LPIN2: variants seen among roughly 807,000 people sequenced by gnomAD.
LPIN2 encodes the protein phosphatidate phosphatase LPIN2.
LPIN2 carries 55 observed loss-of-function variants against 111.4 expected under a neutral mutation model. That is an observed-to-expected ratio of 0.49 (90% CI 0.40 to 0.62). LPIN2 has a LOEUF of 0.62. LPIN2 is among the 20% of genes least tolerant of loss of function. The probability of loss-of-function intolerance (pLI) is 0.00; values close to 1 mark genes in which losing one functional copy is unlikely to be tolerated. For missense variants in LPIN2, 992 were observed against 1,112.1 expected (o/e 0.89, Z 1.54); for synonymous variants, 425 against 414.0 (o/e 1.03, Z -0.32).
At chr18:2,990,756 G>A (rs1476107572) in intron 1 of LPIN2, 7 of 348,704 alleles carry the variant, frequency 2.0e-5, no homozygotes, top group African/African-American at 1.3e-4. Flanking sequence ...ATTAGAAATG[G>A]ATGGAAGAAC....
chr18:2,983,633 T>C (rs1206766170), intron 1 of LPIN2, among the ~76,000 whole-genome samples: 1 of 152,194 alleles, frequency 6.6e-6, no homozygotes, highest in Non-Finnish European at 1.5e-5. Flanking sequence ...ATCAGGCCAG[T>C]ACCAACTGCA....
chr18:2,920,719 TG>T (rs747373199), intron 19 of LPIN2, 58 bp downstream of exon 19: 6 of 1,273,972 alleles, frequency 4.7e-6, no homozygotes, highest in Non-Finnish European at 6.9e-6. Context: ...AGGGTCTGTC[TG>T]TCCCCAACTG....
intron 1 of LPIN2, among the ~76,000 whole-genome samples, chr18:2,983,146 C>T (rs548541404): frequency 1.1e-4 from 16 of 152,166 alleles, no homozygotes; most frequent in Non-Finnish European, 2.1e-4. Flanking sequence ...GAAATAAAAA[C>T]AGCTACTACA....
At chr18:2,955,649 C>T (rs1388471986) in intron 2 of LPIN2, among the ~76,000 whole-genome samples, 1 of 152,170 alleles carries the variant, frequency 6.6e-6, no homozygotes, top group Non-Finnish European at 1.5e-5. Flanking sequence ...GGTGCAGTGG[C>T]TCATGCTTGT....
chr18:2,953,566 G>A (rs1170357579), intron 3 of LPIN2, among the ~76,000 whole-genome samples: 2 of 152,126 alleles, frequency 1.3e-5, no homozygotes, highest in South Asian at 4.1e-4. Flanking sequence ...TACCTAAGTT[G>A]TTGGTTTCTC....
intron 1 of LPIN2, among the ~76,000 whole-genome samples, chr18:2,965,147 A>G (rs201203874): frequency 2.0e-5 from 3 of 147,932 alleles, no homozygotes; most frequent in Non-Finnish European, 3.0e-5. Context: ...AAAAGTGAAG[A>G]AAAAAAAAAG....
At chr18:2,937,589 T>C in intron 7 of LPIN2, 103 bp downstream of exon 7, 2 of 792,160 alleles carry the variant, frequency 2.5e-6, no homozygotes, top group South Asian at 1.5e-5. Context: ...GGGTTTCGAC[T>C]GGTGAATACA....
At chr18:2,956,630 A>G (rs1214916035) in intron 2 of LPIN2, among the ~76,000 whole-genome samples, 1 of 152,216 alleles carries the variant, frequency 6.6e-6, no homozygotes, top group Non-Finnish European at 1.5e-5. Flanking sequence ...AAACTGGGAC[A>G]ATCTGAGCAA....
At chr18:2,995,775 G>A (rs150507046) in intron 1 of LPIN2, among the ~76,000 whole-genome samples, 4 of 152,110 alleles carry the variant, frequency 2.6e-5, no homozygotes, top group African/African-American at 7.2e-5. Context: ...ATTTTCCACC[G>A]CTGGGGATAA....
rs764182754 is a variant in LPIN2 at position 2,917,634 on chromosome 18, TAGAC to T, written c.*2655_*2658del. 4.6e-5 allele frequency: 7 copies of T among 152,258 alleles called. No homozygotes were observed. The highest frequency in any genetic ancestry group is 2.1e-4 in the South Asian group (1 of 4,832). The allele number at this position is 152,258 out of a possible 1,614,324, so 9.4% of individuals were successfully genotyped here. A position where few individuals can be genotyped will look rare whatever the true frequency, so the allele number is the denominator to read the frequency against. ...CAGTTGAAAACTATGCAGATGTTTT[TAGAC>T]AGAGCAAAACACAACACAGTACCCA... On this transcript the variant is annotated 3_prime_UTR_variant, in exon 20 of 20. Transcript: ENST00000677752.
intron 6 of LPIN2, among the ~76,000 whole-genome samples, 186 bp downstream of exon 6, chr18:2,939,294 G>T (rs879905108): frequency 6.6e-6 from 1 of 152,108 alleles, no homozygotes; most frequent in Non-Finnish European, 1.5e-5. Flanking sequence ...AAATCCTTCG[G>T]TTGCAAATAT....
At chr18:3,006,836 C>CAAA (rs1164488272) in intron 1 of LPIN2, among the ~76,000 whole-genome samples, 2 of 128,418 alleles carry the variant, frequency 1.6e-5, no homozygotes, top group East Asian at 2.3e-4. Context: ...GACTCTGTCT[C>CAAA]AAAAAAAAAA....
At chr18:2,944,782 C>T (rs560406822) in intron 4 of LPIN2, among the ~76,000 whole-genome samples, 1 of 152,258 alleles carries the variant, frequency 6.6e-6, no homozygotes, top group South Asian at 2.1e-4. Context: ...TTAGTCATAA[C>T]ACCATACAAA....
intron 7 of LPIN2, 77 bp from the exon 8 acceptor site, chr18:2,934,527 A>G (rs2077258488): frequency 2.2e-6 from 2 of 904,050 alleles, no homozygotes; most frequent in Non-Finnish European, 3.6e-6. Context: ...GCACGTTTGC[A>G]AACAGTAAGA....
chr18:2,950,930 T>C, intron 4 of LPIN2, 125 bp downstream of exon 4: 1 of 992,762 alleles, frequency 1.0e-6, no homozygotes, highest in Admixed American at 1.8e-5. Flanking sequence ...GATTCCACAA[T>C]AAACTGTAAA....
In LPIN2 at chr18:2,925,464, C is replaced by CT; in HGVS notation, c.1794-97dup. The CT allele has an allele frequency of 6.6e-7, 1 of 1,525,336 alleles. No homozygotes were observed. Among genetic ancestry groups the CT allele is most frequent in the Non-Finnish European group, 9.0e-7 (1 of 1,107,224 alleles). 94.5% of individuals were successfully genotyped at this position (1,525,336 alleles called of 1,614,324 possible). A position where few individuals can be genotyped will look rare whatever the true frequency, so the allele number is the denominator to read the frequency against. The stretch of plus-strand genomic sequence containing the variant: ...TCAAGAAAATAAAGATATCCTAAAT[C>CT]TTTTCTAGGAATGGGTAGAGTTATC... On this transcript the variant is annotated intron_variant, in intron 13 of 19. Coordinates refer to ENST00000677752, the MANE Select transcript of LPIN2 (RefSeq NM_001375808.2). This position sits in a 1 kb window ranked among gnomAD's most constrained non-coding sequence, Gnocchi z 4.1.
intron 1 of LPIN2, among the ~76,000 whole-genome samples, chr18:3,012,669 G>T (rs1350058802): frequency 1.3e-5 from 2 of 151,788 alleles, no homozygotes; most frequent in Non-Finnish European, 2.9e-5. Context: ...ATGGAGACGC[G>T]GCCTCCCGCG....
At chr18:2,990,884 G>A (rs2078255539) in intron 1 of LPIN2, 5 of 526,660 alleles carry the variant, frequency 9.5e-6, no homozygotes, top group South Asian at 7.4e-5. Flanking sequence ...CCAGTCTTCT[G>A]GGTCCTCCTC....
chr18:2,923,858 C>T lies in LPIN2; in HGVS notation c.2091G>A (p.Ser697=), dbSNP rs767788156. 30 of 1,613,704 alleles carry T rather than the reference C, an allele frequency of 1.9e-5. No homozygotes were observed. The highest frequency in any genetic ancestry group is 2.7e-5 in the African/African-American group (2 of 74,904). Residue 697 remains serine (S), a synonymous_variant, in exon 16 of 20, where the codon TCG becomes TCA. Transcript: ENST00000677752. ...GTGGGAGAATCTGTCCCAAAGCATC[C>T]GACCTAAGAAGACGGTAGAAACAGG... ...ISDIDGTITK[S]DALGQILPQL...
Sources: gnomAD v4.1 joint callset for allele counts (sites outside exome capture counted in the v4.1 genomes callset) on GRCh38, gnomAD v4.1.1 for gene constraint, Gnocchi (gnomAD v3.1) non-coding constraint, MANE v1.5 for transcripts, NCBI Gene and HGNC (gene_info 2026-07-23, HGNC 2026-07-21) for gene names.